MYO1A: variants seen among roughly 807,000 people sequenced by gnomAD.
MYO1A encodes myosin IA, also known as unconventional myosin-Ia.
Under a neutral mutation model 138.5 loss-of-function variants are expected in MYO1A, and 127 were observed. That is an observed-to-expected ratio of 0.92 (90% CI 0.79 to 1.06). The LOEUF is 1.06. Ranked by LOEUF, MYO1A falls within the 50% of genes least tolerant of loss-of-function variation. The pLI is 0.00. For synonymous variants in MYO1A, 477 were observed against 497.5 expected (o/e 0.96, Z 0.55); for missense variants, 1,211 against 1,288.8 (o/e 0.94, Z 0.92).
chr12:57,037,019 C>A lies in MYO1A; in HGVS notation c.2128G>T (p.Gly710Cys). ...TGGTAGTGGGTGCGGCAGCGCCAGC[C>A]TCGGTAAATCTTCTGTATGAGTGTG... Reference protein sequence around the residue: ...LATLIQKIYRGWRCRTHYQLM... With the variant: ...LATLIQKIYRCWRCRTHYQLM... Residue 710 changes from glycine to cysteine, a missense_variant, in exon 20 of 28, where the codon GGC becomes TGC. Coordinates refer to ENST00000300119, the MANE Select transcript of MYO1A (RefSeq NM_005379.4). The A allele has an allele frequency of 6.2e-7, 1 of 1,614,132 alleles. No individual in the cohort carries two copies. The highest frequency in any genetic ancestry group is 8.5e-7 in the Non-Finnish European group (1 of 1,180,028).
At position 57,041,265 on chromosome 12, in the gene MYO1A, C is replaced by T; in HGVS notation, c.1188G>A (p.Val396=). 6.2e-7 allele frequency: 1 copy of T among 1,614,080 alleles called. No homozygotes were observed. Among genetic ancestry groups the T allele is most frequent in the Non-Finnish European group, 8.5e-7 (1 of 1,180,016 alleles). Residue 396 remains valine, a synonymous_variant, in exon 14 of 28, where the codon GTG becomes GTA. Coordinates refer to ENST00000300119, the MANE Select transcript of MYO1A (RefSeq NM_005379.4). ...ILEDNSFEQF[V]INYCNEKLQQ... is the part of the protein sequence containing the mutation. The stretch of plus-strand genomic sequence containing the variant: ...GCAGCTTCTCATTGCAGTAGTTGAT[C>T]ACAAATTGCTCAAAGCTATTATCCT...
Position 57,029,550 on chromosome 12 carries a change from A to C in MYO1A, c.2762T>G (p.Val921Gly). The C allele has an allele frequency of 6.2e-7, 1 of 1,614,266 alleles. No individual in the cohort carries two copies. Among genetic ancestry groups the C allele is most frequent in the Non-Finnish European group, 8.5e-7 (1 of 1,180,052 alleles). Residue 921 changes from valine to glycine, a missense_variant, in exon 26 of 28, where the codon GTG (valine) becomes GGG (glycine). Transcript: ENST00000300119. ...SRILLLTKGH[V>G]ILTDTKKSQA... ...GGACTTCTTGGTGTCTGTGAGAATCACATGGCCCTTGGTCAGGAGGAGAAT... is the reference window on the plus strand; with the variant it reads ...GGACTTCTTGGTGTCTGTGAGAATCCCATGGCCCTTGGTCAGGAGGAGAAT...
At chr12:57,031,566 T>C (rs2030288370) in intron 22 of MYO1A, among the ~76,000 whole-genome samples, 3 of 152,158 alleles carry the variant, frequency 2.0e-5, no homozygotes, top group South Asian at 4.1e-4. Flanking sequence ...AGGTACCAAA[T>C]TTCCCCTCCT....
intron 7 of MYO1A, 26 bp downstream of exon 7, chr12:57,046,837 G>A (rs751832477): frequency 1.9e-6 from 3 of 1,611,916 alleles, no homozygotes; most frequent in East Asian, 2.2e-5. Context: ...TGGAAGACAG[G>A]TGAGTGGAAT....
In MYO1A at chr12:57,039,279, T is replaced by A; in HGVS notation, c.1270-5A>T. The A allele has an allele frequency of 1.2e-6, 2 of 1,613,084 alleles. No homozygotes were observed. The highest frequency in any genetic ancestry group is 1.7e-6 in the Non-Finnish European group (2 of 1,179,074). ...CACCTTTGTCCACGGTATGCCCTGG[T>A]CAGGGGAGACAACAAATTACAGGGA... On this transcript the variant is annotated splice_polypyrimidine_tract_variant and splice_region_variant and intron_variant, in intron 14 of 27. Coordinates refer to ENST00000300119, the MANE Select transcript of MYO1A (RefSeq NM_005379.4).
rs1159205757 is a variant in MYO1A, at chr12:57,037,072, T to C, written c.2075A>G (p.Gln692Arg). 6.2e-7 allele frequency: 1 copy of C among 1,614,168 alleles called. No individual in the cohort carries two copies. The highest frequency in any genetic ancestry group is 2.2e-5 in the East Asian group (1 of 44,870). Residue 692 changes from glutamine to arginine, a missense_variant, in exon 20 of 28, where the codon CAG (glutamine) becomes CGG (arginine). By Grantham distance (43) the Gln-to-Arg change is conservative (BLOSUM62 1). Coordinates refer to ENST00000300119, the MANE Select transcript of MYO1A (RefSeq NM_005379.4). ...CAGCTGCTGGAGTCTCAGGCGCCTC[T>C]GTTCTTCGAGGTAGAAAAGCTGTGG... Reference protein sequence around the residue: ...SPKTLFYLEEQRRLRLQQLAT... With the variant: ...SPKTLFYLEERRRLRLQQLAT...
chr12:57,028,947 A>AT (rs1237865932), intron 27 of MYO1A, 66 bp from the exon 28 acceptor site: 3 of 1,601,152 alleles, frequency 1.9e-6, no homozygotes, highest in Non-Finnish European at 8.5e-7. Flanking sequence ...CATTTCCATG[A>AT]TGGCCCCCCC....
intron 12 of MYO1A, among the ~76,000 whole-genome samples, 197 bp downstream of exon 12, chr12:57,042,871 TTAAG>T (rs1486919633): frequency 2.0e-5 from 3 of 152,224 alleles, no homozygotes; most frequent in Non-Finnish European, 4.4e-5. Flanking sequence ...TGACTTTGAA[TTAAG>T]TAAGTAGATG....
chr12:57,048,430 A>G, intron 1 of MYO1A, 87 bp from the exon 2 acceptor site: 1 of 818,702 alleles, frequency 1.2e-6, no homozygotes, highest in Admixed American at 2.0e-5. Flanking sequence ...AAGGACCAAA[A>G]GAGCCTTCCT....
At chr12:57,043,639 A>T (rs1055496200) in intron 10 of MYO1A, among the ~76,000 whole-genome samples, 1 of 152,222 alleles carries the variant, frequency 6.6e-6, no homozygotes, top group African/African-American at 2.4e-5. Context: ...ACTCAGACTC[A>T]GAGAATTTCC....
intron 8 of MYO1A, among the ~76,000 whole-genome samples, chr12:57,044,473 C>A (rs1378126229): frequency 2.0e-5 from 3 of 152,170 alleles, no homozygotes; most frequent in Non-Finnish European, 4.4e-5. Flanking sequence ...ACTGCAAGCA[C>A]CACCTCCCAG....
At chr12:57,042,442 G>A (rs1275374699) in intron 12 of MYO1A, among the ~76,000 whole-genome samples, 6 of 152,074 alleles carry the variant, frequency 3.9e-5, no homozygotes, top group Admixed American at 3.9e-4. Flanking sequence ...AGGCTTCTGT[G>A]AACATTTGTG....
intron 23 of MYO1A, among the ~76,000 whole-genome samples, chr12:57,030,691 C>T (rs1202521100): frequency 6.6e-6 from 1 of 152,074 alleles, no homozygotes; most frequent in Non-Finnish European, 1.5e-5. Context: ...TTATATGAGG[C>T]ACTTGGAAAA....
intron 24 of MYO1A, 53 bp downstream of exon 24, chr12:57,030,157 T>G: frequency 6.7e-7 from 1 of 1,500,820 alleles, no homozygotes; most frequent in South Asian, 1.1e-5. Flanking sequence ...ACGCTCAAGT[T>G]TGAGAACTGC....
In MYO1A at chr12:57,039,355, C is replaced by T. The variant is rs1466506146; in HGVS notation, c.1270-81G>A. The T allele has an allele frequency of 2.0e-5, 21 of 1,075,342 alleles. No individual in the cohort carries two copies. The South Asian group carries it at 2.5e-4, about 13-fold the overall frequency. The allele number at this position is 1,075,342 out of a possible 1,614,324, so 66.6% of individuals were successfully genotyped here. A position where few individuals can be genotyped will look rare whatever the true frequency, so the allele number is the denominator to read the frequency against. ...ACCTCACCAGATCTAGCCTTTCACCCACCCAACAAAGGACATCAGAAAGCC... is the reference window on the plus strand; with the variant it reads ...ACCTCACCAGATCTAGCCTTTCACCTACCCAACAAAGGACATCAGAAAGCC... On this transcript the variant is annotated intron_variant, in intron 14 of 27. Transcript: ENST00000300119.
In MYO1A at chr12:57,043,107, CAA is replaced by C. The variant is rs757894436; in HGVS notation, c.1061_1062del (p.Phe354Ter). Reference protein sequence around the residue: ...ALAKNIYSRLFDWIVNRINES... With the variant: ...ALAKNIYSRLXDWIVNRINES... ...TCATTGATTCGATTCACTATCCAGT[CAA>C]AGAGGCGGCTGTAGATGTTCTTAGC... On this transcript the variant is annotated frameshift_variant, in exon 12 of 28. Coordinates refer to ENST00000300119, the MANE Select transcript of MYO1A (RefSeq NM_005379.4). LOFTEE classifies it high-confidence loss of function. 5.0e-6 allele frequency: 8 copies of C among 1,614,034 alleles called. No individual in the cohort carries two copies. The African/African-American group carries it at 6.7e-5, about 13-fold the overall frequency.
At chr12:57,033,606 G>A (rs989290938) in intron 22 of MYO1A, among the ~76,000 whole-genome samples, 1 of 152,018 alleles carries the variant, frequency 6.6e-6, no homozygotes, top group Non-Finnish European at 1.5e-5. Context: ...CAATATTCCC[G>A]CCTCAGCCTC....
rs200613598 is a variant in MYO1A at position 57,036,353 on chromosome 12, C to G, written c.2303G>C (p.Arg768Pro). The G allele has an allele frequency of 6.2e-7, 1 of 1,613,736 alleles. No individual in the cohort carries two copies. Among genetic ancestry groups the G allele is most frequent in the East Asian group, 2.2e-5 (1 of 44,878 alleles). Residue 768 changes from arginine (R) to proline (P), a missense_variant, in exon 22 of 28, where the codon CGG (arginine) becomes CCG (proline). Physicochemically the swap from Arg to Pro is moderately radical, Grantham distance 103. Transcript: ENST00000300119. Reference sequence around the variant, plus strand: ...TGCCAAGGTGAGGGCAGCCTCTGACCGGAAATATTTGCGATAATTCTTTCG... The same window carrying G: ...TGCCAAGGTGAGGGCAGCCTCTGACGGGAAATATTTGCGATAATTCTTTCG... ...KARKNYRKYF[R>P]SEAALTLADF...
At position 57,046,847 on chromosome 12, in the gene MYO1A, T is replaced by C. The variant is rs116562254; in HGVS notation, c.541+16A>G. 107 of 1,613,166 alleles carry C rather than the reference T, an allele frequency of 6.6e-5. No homozygotes were observed. The highest frequency in any genetic ancestry group is 8.2e-5 in the Non-Finnish European group (97 of 1,179,324). The stretch of plus-strand genomic sequence containing the variant: ...GCAGGTGGAAGACAGGTGAGTGGAA[T>C]TGGGGAGACACGTACAGTTTGTGAT... On this transcript the variant is annotated intron_variant, in intron 7 of 27. Coordinates refer to ENST00000300119, the MANE Select transcript of MYO1A (RefSeq NM_005379.4).
Sources: gnomAD v4.1 joint callset for allele counts (sites outside exome capture counted in the v4.1 genomes callset) on GRCh38, gnomAD v4.1.1 for gene constraint, MANE v1.5 for transcripts, NCBI Gene and HGNC (gene_info 2026-07-23, HGNC 2026-07-21) for gene names.